PAX5: variants seen among roughly 807,000 people sequenced by gnomAD.
The protein encoded by PAX5 is paired box 5, also known as paired box protein Pax-5.
PAX5 carries 9 observed loss-of-function variants against 43.7 expected under a neutral mutation model. That is an observed-to-expected ratio of 0.21 (90% CI 0.12 to 0.36). The LOEUF is 0.36. Ranked by LOEUF, PAX5 falls within the 10% of genes least tolerant of loss-of-function variation. The pLI is 1.00. For missense variants in PAX5, 383 were observed against 532.7 expected, an observed-to-expected ratio of 0.72 and a Z score of 2.77; for synonymous variants, 228 against 214.3, an observed-to-expected ratio of 1.06 and a Z score of -0.56.
chr9:36,876,762 T>C (rs78646181), intron 8 of PAX5, among the ~76,000 whole-genome samples: 2,761 of 152,318 alleles, frequency 0.018, 33 homozygotes, highest in Middle Eastern at 0.068. Context: ...CTGCAAATGG[T>C]GATGCAGAGT....
At chr9:36,952,611 A>C (rs1316122897) in intron 6 of PAX5, among the ~76,000 whole-genome samples, 1 of 151,862 alleles carries the variant, frequency 6.6e-6, no homozygotes, top group Non-Finnish European at 1.5e-5. Flanking sequence ...ATTCCATTTT[A>C]TCTCTTCTGT....
chr9:36,849,774 G>A (rs1484653585), intron 8 of PAX5, among the ~76,000 whole-genome samples: 1 of 152,220 alleles, frequency 6.6e-6, no homozygotes, highest in Non-Finnish European at 1.5e-5. Flanking sequence ...AGTGTGGTGG[G>A]CACCCCCAAC....
At chr9:36,976,677 T>C (rs1835460870) in intron 5 of PAX5, among the ~76,000 whole-genome samples, 1 of 152,254 alleles carries the variant, frequency 6.6e-6, no homozygotes, top group Non-Finnish European at 1.5e-5. Context: ...TTCAGCCATT[T>C]GTTTCACTCA....
chr9:36,981,728 AC>A (rs1418643050), intron 5 of PAX5, among the ~76,000 whole-genome samples: 3 of 152,268 alleles, frequency 2.0e-5, no homozygotes, highest in African/African-American at 7.2e-5. Context: ...TGTTTAAGTG[AC>A]AAAAGTGGTG....
rs1821671631 is a variant in PAX5 at position 36,836,748 on chromosome 9, A to C, written c.*3812T>G. 1 of 232,004 alleles carries C rather than the reference A, an allele frequency of 4.3e-6. No individual in the cohort carries two copies. The highest frequency in any genetic ancestry group is 2.2e-5 in the African/African-American group (1 of 45,278). 14.4% of individuals were successfully genotyped at this position (232,004 alleles called of 1,614,324 possible). A position where few individuals can be genotyped will look rare whatever the true frequency, so the allele number is the denominator to read the frequency against. On this transcript the variant is annotated 3_prime_UTR_variant, in exon 10 of 10. Transcript: ENST00000358127. Reference sequence around the variant, plus strand: ...GGCACTCCTGCATACTGTCACAGCCAGGCCTGGAGCCTGTTCCAAAGTGCG... The same window carrying C: ...GGCACTCCTGCATACTGTCACAGCCCGGCCTGGAGCCTGTTCCAAAGTGCG...
rs371885474 is a variant in PAX5 at position 37,032,297 on chromosome 9, G to A, written c.46+1689C>T. On this transcript the variant is annotated intron_variant, in intron 1 of 9. Transcript: ENST00000358127. ...CATTCTTCTACACAGCTTGTCGGGA[G>A]AGCCAGCCCGAGGACTGCGCAGACC... is the stretch of plus-strand genomic sequence containing the variant. 4.6e-5 allele frequency among the ~76,000 whole-genome samples: 7 copies of A among 152,304 alleles called. No homozygotes were observed. The East Asian group carries it at 9.6e-4, about 21-fold the overall frequency.
chr9:36,988,510 A>C lies in PAX5; in HGVS notation c.604+14138T>G, dbSNP rs148527242. 5.8e-3 allele frequency among the ~76,000 whole-genome samples: 885 copies of C among 152,138 alleles called. 5 individuals are homozygous for C. The highest frequency in any genetic ancestry group is 0.02 in the African/African-American group (832 of 41,500). On this transcript the variant is annotated intron_variant, in intron 5 of 9. Transcript: ENST00000358127. ...ATCTTGTCTTGACAAAAAAATTTTA[A>C]AAAATAGCCGGGTGTGGTGGTGCAT...
chr9:36,991,268 C>T (rs1343100462), intron 5 of PAX5, among the ~76,000 whole-genome samples: 2 of 152,192 alleles, frequency 1.3e-5, no homozygotes, highest in Non-Finnish European at 2.9e-5. Context: ...TGAGAAGTGA[C>T]CTACCCAAGG....
intron 7 of PAX5, chr9:36,923,106 C>T (rs923059395): frequency 6.7e-6 from 3 of 449,554 alleles, no homozygotes; most frequent in Non-Finnish European, 1.2e-5. Flanking sequence ...GCCCCCTACC[C>T]CAAGTCCCCT....
At chr9:36,846,970 C>T (rs1486531423) in intron 8 of PAX5, 41 bp from the exon 9 acceptor site, 3 of 1,456,228 alleles carry the variant, frequency 2.1e-6, no homozygotes. Flanking sequence ...AACCAAACGT[C>T]AAATCCAGTT....
rs531966383 is a variant in PAX5, at chr9:37,015,262, C to T, written c.213-68G>A. 4.5e-5 allele frequency: 63 copies of T among 1,402,332 alleles called. 1 individual carries two copies. The Admixed American group carries it at 7.1e-4, about 16-fold the overall frequency. The allele number at this position is 1,402,332 out of a possible 1,614,324, so 86.9% of individuals were successfully genotyped here. A position where few individuals can be genotyped will look rare whatever the true frequency, so the allele number is the denominator to read the frequency against. On this transcript the variant is annotated intron_variant, in intron 2 of 9. Transcript: ENST00000358127. This position sits in a 1 kb window ranked among gnomAD's most constrained non-coding sequence, Gnocchi z 4.4. ...AAAGTGGATATTGGCAACAAAATAA[C>T]GGGCTACTCTGGCCAGGAAACGTCC...
At chr9:36,948,803 A>G (rs139592925) in intron 6 of PAX5, among the ~76,000 whole-genome samples, 1,512 of 148,872 alleles carry the variant, frequency 0.01, 31 homozygotes, top group African/African-American at 0.033. Context: ...CTCCCTGCGC[A>G]AACTCCCTCC....
At chr9:36,957,230 T>G (rs1833567743) in intron 6 of PAX5, among the ~76,000 whole-genome samples, 1 of 152,220 alleles carries the variant, frequency 6.6e-6, no homozygotes, top group African/African-American at 2.4e-5. Flanking sequence ...CAGTTCCATC[T>G]TCCCCTCCTG....
intron 5 of PAX5, among the ~76,000 whole-genome samples, chr9:36,988,450 C>G (rs965963707): frequency 6.6e-5 from 10 of 151,924 alleles, no homozygotes; most frequent in African/African-American, 2.4e-4. Flanking sequence ...TGCTTGAGCC[C>G]AAGAGTTCAA....
chr9:37,032,625 G>A (rs912592215), intron 1 of PAX5, among the ~76,000 whole-genome samples: 5 of 152,138 alleles, frequency 3.3e-5, no homozygotes, highest in African/African-American at 9.7e-5. Flanking sequence ...TTGCTCTTAG[G>A]CTTGTATTTG....
At chr9:36,876,207 C>T (rs1825900097) in intron 8 of PAX5, among the ~76,000 whole-genome samples, 2 of 152,264 alleles carry the variant, frequency 1.3e-5, no homozygotes, top group South Asian at 2.1e-4. Context: ...CTGCGCCCAC[C>T]TCTCCTCTGG....
intron 8 of PAX5, among the ~76,000 whole-genome samples, chr9:36,849,108 A>G (rs1459223798): frequency 6.6e-6 from 1 of 152,166 alleles, no homozygotes; most frequent in Non-Finnish European, 1.5e-5. Flanking sequence ...CCTGACCTGC[A>G]GGGGAATCCG....
At chr9:36,933,968 G>A (rs4880040) in intron 6 of PAX5, among the ~76,000 whole-genome samples, 2 of 152,044 alleles carry the variant, frequency 1.3e-5, no homozygotes, top group Admixed American at 6.5e-5. Flanking sequence ...GGTCCTCACT[G>A]TGTGGAATGG....
Position 36,974,112 on chromosome 9 carries a change from C to A in PAX5, c.605-7388G>T, listed in dbSNP as rs536221769. On this transcript the variant is annotated intron_variant, in intron 5 of 9. Transcript: ENST00000358127. ...AGAGGATTGCTTGAGCCCAGGAGTTCAAGGCTTCAGTGAGCTACAATGGTG... is the reference window on the plus strand; with the variant it reads ...AGAGGATTGCTTGAGCCCAGGAGTTAAAGGCTTCAGTGAGCTACAATGGTG... Among the ~76,000 whole-genome samples, 28 of 152,224 alleles carry A rather than the reference C, an allele frequency of 1.8e-4. 1 individual carries two copies. In the South Asian group the frequency reaches 5.6e-3, roughly 30 times the overall value.
Sources: allele counts gnomAD v4.1 joint callset (sites outside exome capture counted in the v4.1 genomes callset), GRCh38; gene constraint gnomAD v4.1.1; non-coding constraint Gnocchi (gnomAD v3.1); transcripts MANE v1.5; gene names NCBI Gene and HGNC (gene_info 2026-07-23, HGNC 2026-07-21).